PTPRN2: variants seen among roughly 807,000 people sequenced by gnomAD.
PTPRN2 encodes the protein protein tyrosine phosphatase receptor type N2, also known as receptor-type tyrosine-protein phosphatase N2.
PTPRN2 carries 74 observed loss-of-function variants against 118.8 expected under a neutral mutation model. The ratio of observed to expected loss-of-function variants is 0.62; its 90% CI spans 0.52 to 0.76. The LOEUF is 0.76. Among genes scored for constraint, PTPRN2 ranks in the 30% least tolerant of loss-of-function variants. The pLI is 0.00. For synonymous variants in PTPRN2, 641 were observed against 608.0 expected (o/e 1.05, Z -0.80); for missense variants, 1,481 against 1,394.4 (o/e 1.06, Z -0.99).
chr7:158,372,726 C>G (rs1320258524), intron 2 of PTPRN2, among the ~76,000 whole-genome samples: 2 of 152,262 alleles, frequency 1.3e-5, no homozygotes, highest in Non-Finnish European at 2.9e-5. Context: ...CCCTCTGATT[C>G]AGCTTCATGG....
intron 11 of PTPRN2, among the ~76,000 whole-genome samples, chr7:158,039,178 G>C (rs1257854256): frequency 6.6e-6 from 1 of 152,214 alleles, no homozygotes; most frequent in Non-Finnish European, 1.5e-5. Flanking sequence ...AAAGGTATCT[G>C]CGTGGATAAA....
chr7:158,481,288 T>C (rs900422176), intron 2 of PTPRN2, among the ~76,000 whole-genome samples: 3 of 152,228 alleles, frequency 2.0e-5, no homozygotes, highest in African/African-American at 4.8e-5. Flanking sequence ...TTAAGCCCAC[T>C]ATTGAGACCT....
chr7:158,549,738 G>A (rs10279869), intron 1 of PTPRN2, among the ~76,000 whole-genome samples: 39,404 of 152,114 alleles, frequency 0.26, 5,395 homozygotes, highest in East Asian at 0.43. Flanking sequence ...AGATGGCTTC[G>A]GAAAACCCCG....
intron 1 of PTPRN2, among the ~76,000 whole-genome samples, chr7:158,561,453 G>T (rs1353610440): frequency 6.6e-6 from 1 of 152,096 alleles, no homozygotes; most frequent in African/African-American, 2.4e-5. Flanking sequence ...CCAAATACAA[G>T]GAATTTTTTA....
intron 12 of PTPRN2, among the ~76,000 whole-genome samples, chr7:157,855,132 G>C (rs893952773): frequency 3.8e-4 from 46 of 122,200 alleles, no homozygotes; most frequent in Non-Finnish European, 4.8e-4. Context: ...ATGGCTGCAC[G>C]GTTGCAGGGG....
chr7:158,124,080 T>C (rs942026925), intron 9 of PTPRN2, among the ~76,000 whole-genome samples: 2 of 152,174 alleles, frequency 1.3e-5, no homozygotes, highest in Non-Finnish European at 2.9e-5. Context: ...GGGACCTGAG[T>C]TGCCCATCAT....
intron 10 of PTPRN2, among the ~76,000 whole-genome samples, chr7:158,092,271 T>A (rs923116639): frequency 7.0e-5 from 10 of 142,488 alleles, no homozygotes; most frequent in Non-Finnish European, 8.9e-5. Context: ...TATATATACA[T>A]ATATGTGTGT....
In PTPRN2 at chr7:158,328,305, A is replaced by T. The variant is rs577383475; in HGVS notation, c.164-11373T>A. 8.5e-5 allele frequency among the ~76,000 whole-genome samples: 13 copies of T among 152,324 alleles called. 1 individual carries two copies. In the South Asian group the frequency reaches 2.5e-3, roughly 29 times the overall value. On this transcript the variant is annotated intron_variant, in intron 2 of 22. Transcript: ENST00000389418. ...CAGGTCAGATTTAAGGAGCCGTTGG[A>T]TCCGTGGGCTGCGTCCAAGGCAGGA...
intron 12 of PTPRN2, among the ~76,000 whole-genome samples, chr7:157,853,155 C>T (rs1328387912): frequency 1.3e-5 from 2 of 152,202 alleles, no homozygotes; most frequent in African/African-American, 2.4e-5. Context: ...TGGTAGGAAA[C>T]AAGAAGCAGC....
intron 3 of PTPRN2, among the ~76,000 whole-genome samples, chr7:158,303,119 T>C (rs1801012676): frequency 6.6e-6 from 1 of 151,758 alleles, no homozygotes; most frequent in African/African-American, 2.4e-5. Context: ...TTCTAAAGTG[T>C]TGGCAATTTT....
chr7:157,844,110 G>A (rs1224184433), intron 12 of PTPRN2, among the ~76,000 whole-genome samples: 3 of 151,452 alleles, frequency 2.0e-5, no homozygotes, highest in East Asian at 1.9e-4. Context: ...CCTCCACATC[G>A]TGGGTGTGGA....
At chr7:157,970,146 G>A (rs2128816642) in intron 11 of PTPRN2, among the ~76,000 whole-genome samples, 1 of 152,266 alleles carries the variant, frequency 6.6e-6, no homozygotes, top group East Asian at 1.9e-4. Flanking sequence ...TACCAGCTCA[G>A]TTTTGTATTA....
chr7:157,867,497 C>A (rs1221910683), intron 12 of PTPRN2, among the ~76,000 whole-genome samples: 1 of 138,064 alleles, frequency 7.2e-6, no homozygotes, highest in Admixed American at 7.2e-5. Context: ...GCCCTGGATA[C>A]ACGGCCACCT....
At chr7:157,719,007 C>G (rs1359514111) in intron 12 of PTPRN2, among the ~76,000 whole-genome samples, 2 of 81,238 alleles carry the variant, frequency 2.5e-5, no homozygotes, top group African/African-American at 9.1e-5. Flanking sequence ...ACCTCTCCCT[C>G]CTGCAGGCGT....
intron 3 of PTPRN2, among the ~76,000 whole-genome samples, chr7:158,232,518 T>C (rs1049486043): frequency 6.6e-6 from 1 of 152,020 alleles, no homozygotes; most frequent in African/African-American, 2.4e-5. Context: ...TACCAAACAT[T>C]TGAAGAAATA....
intron 12 of PTPRN2, among the ~76,000 whole-genome samples, chr7:157,730,753 T>C (rs538909609): frequency 6.6e-6 from 1 of 152,240 alleles, no homozygotes; most frequent in African/African-American, 2.4e-5. Context: ...CTCCCAACAC[T>C]TCCCCGCTAC....
At chr7:157,819,356 C>T (rs1232713828) in intron 12 of PTPRN2, among the ~76,000 whole-genome samples, 1 of 152,332 alleles carries the variant, frequency 6.6e-6, no homozygotes, top group East Asian at 1.9e-4. Flanking sequence ...GCTCAGCTGG[C>T]TCTGTCGGCT....
chr7:158,011,188 A>G (rs1301898236), intron 11 of PTPRN2, among the ~76,000 whole-genome samples: 2 of 152,244 alleles, frequency 1.3e-5, no homozygotes, highest in Non-Finnish European at 2.9e-5. Context: ...CGTCATTGCT[A>G]AAGACATCAG....
intron 2 of PTPRN2, among the ~76,000 whole-genome samples, chr7:158,333,323 C>A (rs1375627844): frequency 7.1e-6 from 1 of 141,626 alleles, no homozygotes; most frequent in African/African-American, 2.7e-5. Context: ...CACTCACACC[C>A]ACACTGTCAC....
Sources: allele counts gnomAD v4.1 joint callset (sites outside exome capture counted in the v4.1 genomes callset), GRCh38; gene constraint gnomAD v4.1.1; transcripts MANE v1.5; gene names NCBI Gene and HGNC (gene_info 2026-07-23, HGNC 2026-07-21).